TIAM1: variants seen among roughly 807,000 people sequenced by gnomAD.
TIAM1 encodes the protein TIAM Rac1 associated GEF 1.
In TIAM1, 65 loss-of-function variants were observed where a neutral mutation model predicts 163.5. The observed-to-expected ratio is 0.40, with a 90% confidence interval of 0.33 to 0.49. The LOEUF is 0.49. TIAM1 is among the 20% of genes least tolerant of loss of function. The pLI is 0.77. For missense variants in TIAM1, 1,789 were observed against 2,044.7 expected (o/e 0.87, Z 2.41); for synonymous variants, 833 against 810.1 (o/e 1.03, Z -0.48).
intron 2 of TIAM1, among the ~76,000 whole-genome samples, chr21:31,334,668 C>A (rs1217651170): frequency 1.3e-5 from 2 of 152,186 alleles, no homozygotes; most frequent in East Asian, 3.9e-4. Context: ...CCCTTCACAG[C>A]CCCCACATGG....
At chr21:31,142,939 T>G (rs2082923780) in intron 20 of TIAM1, among the ~76,000 whole-genome samples, 2 of 152,100 alleles carry the variant, frequency 1.3e-5, no homozygotes, top group South Asian at 4.1e-4. Flanking sequence ...TACGAAGCCG[T>G]GGCTAATGTC....
At chr21:31,198,768 A>C (rs2086019556) in intron 12 of TIAM1, among the ~76,000 whole-genome samples, 2 of 152,326 alleles carry the variant, frequency 1.3e-5, no homozygotes, top group Non-Finnish European at 2.9e-5. Flanking sequence ...TATTTTCATA[A>C]TACTACTTCC....
At chr21:31,401,270 T>C (rs1489640314) in intron 2 of TIAM1, among the ~76,000 whole-genome samples, 1 of 152,232 alleles carries the variant, frequency 6.6e-6, no homozygotes, top group Non-Finnish European at 1.5e-5. Context: ...CAATGACCTC[T>C]GCCCCTAGTC....
intron 15 of TIAM1, among the ~76,000 whole-genome samples, chr21:31,182,040 T>C (rs999773697): frequency 4.0e-5 from 6 of 151,138 alleles, no homozygotes; most frequent in Non-Finnish European, 8.9e-5. Context: ...TGCTTCCACC[T>C]CCCAAGTGCT....
At chr21:31,171,545 TA>T (rs943945568) in intron 15 of TIAM1, among the ~76,000 whole-genome samples, 5 of 152,172 alleles carry the variant, frequency 3.3e-5, no homozygotes, top group Admixed American at 1.3e-4. Context: ...CTAAAGCATA[TA>T]TTTTTTTATC....
Position 31,182,598 on chromosome 21 carries a change from C to A in TIAM1, c.2710G>T (p.Asp904Tyr), listed in dbSNP as rs754124843. Residue 904 changes from aspartate to tyrosine, a missense_variant, in exon 15 of 28, where the codon GAC becomes TAC. Physicochemically the swap from Asp to Tyr is radical, Grantham distance 160 (BLOSUM62 -3). This residue lies in a region of TIAM1 where 303 missense variants were observed against 321.3 expected (regional missense o/e 0.94). Coordinates refer to ENST00000541036, the MANE Select transcript of TIAM1 (RefSeq NM_001353694.2). ...EILEINNRAA[D>Y]ALNSSMLKDF... ...TTGAGCATAGAAGAGTTCAGGGCGT[C>A]AGCAGCACGATTATTGATCTCAAGA... The A allele has an allele frequency of 1.1e-5, 17 of 1,613,672 alleles. No individual in the cohort carries two copies. In the African/African-American group the frequency reaches 1.5e-4, roughly 14 times the overall value.
At chr21:31,121,893 A>G (rs1212005065) in intron 27 of TIAM1, among the ~76,000 whole-genome samples, 1 of 152,218 alleles carries the variant, frequency 6.6e-6, no homozygotes, top group Non-Finnish European at 1.5e-5. Flanking sequence ...CGGTTGTTGC[A>G]TTAGACACGA....
intron 15 of TIAM1, among the ~76,000 whole-genome samples, chr21:31,179,945 G>A (rs112246943): frequency 0.042 from 5,612 of 132,158 alleles, 379 homozygotes; most frequent in African/African-American, 0.15. Flanking sequence ...TTGCTCTGTC[G>A]CCCAGGCTGA....
chr21:31,405,770 A>ATGTTGT (rs2077236754), intron 2 of TIAM1, among the ~76,000 whole-genome samples: 1 of 152,168 alleles, frequency 6.6e-6, no homozygotes, highest in Admixed American at 6.6e-5. Flanking sequence ...TCCCTCCCAC[A>ATGTTGT]ACACATGGGA....
chr21:31,312,669 T>C (rs1161332661), intron 2 of TIAM1, among the ~76,000 whole-genome samples: 1 of 152,184 alleles, frequency 6.6e-6, no homozygotes, highest in Non-Finnish European at 1.5e-5. Context: ...CACTTTACAA[T>C]GAGCAAACTG....
At chr21:31,367,709 G>A (rs2076525406) in intron 2 of TIAM1, among the ~76,000 whole-genome samples, 1 of 152,058 alleles carries the variant, frequency 6.6e-6, no homozygotes, top group South Asian at 2.1e-4. Context: ...CCGTTTCTTC[G>A]CCATTTGGGT....
intron 2 of TIAM1, among the ~76,000 whole-genome samples, chr21:31,436,246 G>A (rs976854553): frequency 2.0e-5 from 3 of 152,120 alleles, no homozygotes; most frequent in African/African-American, 4.8e-5. Context: ...TAATATACAC[G>A]TCATTCAATC....
intron 1 of TIAM1, among the ~76,000 whole-genome samples, chr21:31,470,259 C>T (rs1473885095): frequency 6.6e-6 from 1 of 152,056 alleles, no homozygotes; most frequent in Non-Finnish European, 1.5e-5. Context: ...CCCACCTCAG[C>T]CTCCCATAGT....
At chr21:31,541,966 A>T (rs913183729) in intron 1 of TIAM1, among the ~76,000 whole-genome samples, 1 of 152,228 alleles carries the variant, frequency 6.6e-6, no homozygotes, top group Admixed American at 6.5e-5. Flanking sequence ...AATCCTTATC[A>T]GATCTCAATT....
intron 16 of TIAM1, chr21:31,160,656 A>G: frequency 2.5e-6 from 1 of 396,236 alleles, no homozygotes. Flanking sequence ...GCATCCTCTC[A>G]TATGGACGTC....
At chr21:31,403,624 A>G (rs1177021676) in intron 2 of TIAM1, among the ~76,000 whole-genome samples, 1 of 152,158 alleles carries the variant, frequency 6.6e-6, no homozygotes, top group Non-Finnish European at 1.5e-5. Context: ...ATAATCTACC[A>G]TGGATTCAGC....
chr21:31,245,330 C>T (rs112334844), intron 6 of TIAM1, among the ~76,000 whole-genome samples, 158 bp downstream of exon 6: 7 of 137,434 alleles, frequency 5.1e-5, no homozygotes, highest in African/African-American at 1.4e-4. Flanking sequence ...TTGTCATTCA[C>T]TGTTTTTGTT....
intron 2 of TIAM1, among the ~76,000 whole-genome samples, chr21:31,302,261 C>A (rs1369041679): frequency 6.6e-6 from 1 of 152,068 alleles, no homozygotes; most frequent in Non-Finnish European, 1.5e-5. Context: ...CAAAAAGAAA[C>A]CACTTCCAGT....
At chr21:31,458,044 T>C (rs1376199101) in intron 2 of TIAM1, among the ~76,000 whole-genome samples, 1 of 152,188 alleles carries the variant, frequency 6.6e-6, no homozygotes, top group Non-Finnish European at 1.5e-5. Context: ...CTAGGGAGGC[T>C]ACTGAGGCCT....
Sources: gnomAD v4.1 joint callset for allele counts (sites outside exome capture counted in the v4.1 genomes callset) on GRCh38, gnomAD v4.1.1 for gene constraint, gnomAD v4.1.1 regional missense constraint, MANE v1.5 for transcripts, NCBI Gene and HGNC (gene_info 2026-07-23, HGNC 2026-07-21) for gene names.